Variants in PDE4B observed in about 807,000 individuals in gnomAD.
The protein encoded by PDE4B is 3',5'-cyclic-AMP phosphodiesterase 4B.
PDE4B carries 20 observed loss-of-function variants against 82.2 expected under a neutral mutation model. That is an observed-to-expected ratio of 0.24 (90% CI 0.17 to 0.35). The LOEUF is 0.35. Ranked by LOEUF, PDE4B falls within the 10% of genes least tolerant of loss-of-function variation. The probability of loss-of-function intolerance (pLI) is 1.00; values close to 1 mark genes in which losing one functional copy is unlikely to be tolerated. For missense variants in PDE4B, 655 were observed against 907.2 expected, an observed-to-expected ratio of 0.72 and a Z score of 3.57; for synonymous variants, 320 against 318.9, an observed-to-expected ratio of 1.00 and a Z score of -0.04.
chr1:65,828,568 G>T (rs910608651), intron 1 of PDE4B, among the ~76,000 whole-genome samples: 1 of 151,954 alleles, frequency 6.6e-6, no homozygotes, highest in Non-Finnish European at 1.5e-5. Context: ...TTCCTCTAAA[G>T]GATAGCTGAC....
intron 1 of PDE4B, among the ~76,000 whole-genome samples, chr1:65,809,872 A>G (rs1186099954): frequency 1.3e-5 from 2 of 152,256 alleles, no homozygotes; most frequent in African/African-American, 4.8e-5. Context: ...AGATAGAATG[A>G]CAAATATCTT....
At chr1:65,871,597 A>AT (rs1420021883) in intron 1 of PDE4B, among the ~76,000 whole-genome samples, 1 of 152,220 alleles carries the variant, frequency 6.6e-6, no homozygotes, top group Non-Finnish European at 1.5e-5. Flanking sequence ...TTTGTACTTT[A>AT]TTTTTATTTC....
At chr1:66,157,442 T>G (rs757784457) in intron 3 of PDE4B, among the ~76,000 whole-genome samples, 29 of 152,174 alleles carry the variant, frequency 1.9e-4, no homozygotes, top group Non-Finnish European at 3.7e-4. Context: ...TTTCTAGAAC[T>G]TATAGACCTT....
intron 9 of PDE4B, among the ~76,000 whole-genome samples, chr1:66,360,021 TC>T (rs1260636977): frequency 6.6e-6 from 1 of 152,150 alleles, no homozygotes; most frequent in African/African-American, 2.4e-5. Context: ...TGTTATTGGT[TC>T]TTAAACCTGG....
At chr1:66,102,258 G>A (rs77882422) in intron 3 of PDE4B, among the ~76,000 whole-genome samples, 9,490 of 152,026 alleles carry the variant, frequency 0.062, 429 homozygotes, top group South Asian at 0.17. Context: ...GAAGATTTCT[G>A]CATCATACAA....
chr1:65,986,280 G>T (rs1650949351), intron 3 of PDE4B, among the ~76,000 whole-genome samples: 1 of 152,168 alleles, frequency 6.6e-6, no homozygotes, highest in Non-Finnish European at 1.5e-5. Context: ...ATGAAAAAAA[G>T]TACCATAACA....
chr1:65,891,569 AC>A (rs1171484079), intron 1 of PDE4B, among the ~76,000 whole-genome samples: 4 of 152,066 alleles, frequency 2.6e-5, no homozygotes, highest in African/African-American at 9.7e-5. Context: ...TTGTTACAAA[AC>A]ATGCGCTTCT....
At chr1:66,120,098 A>G (rs1405938570) in intron 3 of PDE4B, among the ~76,000 whole-genome samples, 1 of 152,154 alleles carries the variant, frequency 6.6e-6, no homozygotes, top group Non-Finnish European at 1.5e-5. Context: ...ACTTTTTTAC[A>G]ACAGCCTTCG....
intron 3 of PDE4B, among the ~76,000 whole-genome samples, chr1:66,164,535 C>CAAAAAAAAAAA (rs10718019): frequency 4.0e-3 from 192 of 48,574 alleles, no homozygotes; most frequent in Non-Finnish European, 4.7e-3. Flanking sequence ...GACTCCGTCT[C>CAAAAAAAAAAA]AAAAAAAAAA....
At chr1:65,993,764 A>T (rs1277632486) in intron 3 of PDE4B, among the ~76,000 whole-genome samples, 1 of 152,062 alleles carries the variant, frequency 6.6e-6, no homozygotes, top group South Asian at 2.1e-4. Flanking sequence ...TTCTTTTTTT[A>T]AAAAAATGGA....
intron 3 of PDE4B, among the ~76,000 whole-genome samples, chr1:66,021,449 G>A (rs1653104609): frequency 6.6e-6 from 1 of 152,204 alleles, no homozygotes; most frequent in Non-Finnish European, 1.5e-5. Context: ...TATGGCTTTA[G>A]GTCTAACATT....
At chr1:65,993,060 A>G (rs1399764431) in intron 3 of PDE4B, 1 of 1,613,988 alleles carries the variant, frequency 6.2e-7, no homozygotes, top group Non-Finnish European at 8.5e-7. Flanking sequence ...CAGTTCACCA[A>G]GGAACTCACC....
intron 3 of PDE4B, among the ~76,000 whole-genome samples, chr1:66,030,728 G>T (rs1187118219): frequency 6.6e-6 from 1 of 152,176 alleles, no homozygotes; most frequent in African/African-American, 2.4e-5. Context: ...ATCAGCAGAG[G>T]ATAGGATAAA....
At chr1:65,801,235 T>G (rs1477429126) in intron 1 of PDE4B, among the ~76,000 whole-genome samples, 1 of 152,216 alleles carries the variant, frequency 6.6e-6, no homozygotes, top group African/African-American at 2.4e-5. Context: ...GCAAAACAGA[T>G]GTAGCTTGGA....
chr1:65,913,174 A>T, intron 1 of PDE4B, 71 bp from the exon 2 acceptor site: 1 of 617,072 alleles, frequency 1.6e-6, no homozygotes, highest in Non-Finnish European at 2.9e-6. Context: ...ATGTTAATTT[A>T]GAGAGTATGC....
chr1:66,339,850 GTT>G (rs10579358), intron 8 of PDE4B, among the ~76,000 whole-genome samples: 96,880 of 142,856 alleles, frequency 0.68, 32,963 homozygotes, highest in East Asian at 0.89. Flanking sequence ...TTTTTTTGTT[GTT>G]TTTTTTTTTT....
intron 1 of PDE4B, among the ~76,000 whole-genome samples, chr1:65,875,850 T>G (rs1646634912): frequency 6.6e-6 from 1 of 151,046 alleles, no homozygotes; most frequent in Admixed American, 6.6e-5. Context: ...TACCTAATGT[T>G]GGATGACGAG....
chr1:65,852,311 A>G (rs1216022078), intron 1 of PDE4B, among the ~76,000 whole-genome samples: 1 of 152,026 alleles, frequency 6.6e-6, no homozygotes, highest in African/African-American at 2.4e-5. Context: ...AATATTAGAT[A>G]GAATTATTCA....
intron 3 of PDE4B, among the ~76,000 whole-genome samples, chr1:65,929,081 T>C (rs1647681081): frequency 1.3e-5 from 2 of 152,138 alleles, no homozygotes; most frequent in African/African-American, 4.8e-5. Context: ...TGGGTCACAC[T>C]CTCAACCTTA....
Sources: allele counts gnomAD v4.1 joint callset (sites outside exome capture counted in the v4.1 genomes callset), GRCh38; gene constraint gnomAD v4.1.1; transcripts MANE v1.5; gene names NCBI Gene and HGNC (gene_info 2026-07-23, HGNC 2026-07-21).